The following CNTN5 variants were observed in gnomAD, a reference collection of about 807,000 sequenced individuals.
The protein encoded by CNTN5 is contactin-5.
Under a neutral mutation model 129.1 loss-of-function variants are expected in CNTN5, and 77 were observed. That is an observed-to-expected ratio of 0.60 (90% CI 0.50 to 0.72). The LOEUF (loss-of-function observed/expected upper bound fraction) is 0.72. Ranked by LOEUF, CNTN5 falls within the 30% of genes least tolerant of loss-of-function variation. The probability of loss-of-function intolerance (pLI) is 0.00; values close to 1 mark genes in which losing one functional copy is unlikely to be tolerated. For synonymous variants in CNTN5, 509 were observed against 465.6 expected (o/e 1.09, Z -1.20); for missense variants, 1,478 against 1,328.8 (o/e 1.11, Z -1.75).
intron 1 of CNTN5, among the ~76,000 whole-genome samples, chr11:99,103,669 A>T (rs751758136): frequency 4.6e-5 from 7 of 152,126 alleles, no homozygotes; most frequent in Non-Finnish European, 8.8e-5. Context: ...TATTTGGAAA[A>T]AAGGGTCTTT....
chr11:99,505,609 G>A (rs1366665159), intron 2 of CNTN5, among the ~76,000 whole-genome samples: 1 of 152,052 alleles, frequency 6.6e-6, no homozygotes, highest in Non-Finnish European at 1.5e-5. Context: ...GAAATCTTGT[G>A]GTATTCCTAA....
chr11:100,336,120 A>C (rs1425299969), intron 21 of CNTN5, among the ~76,000 whole-genome samples: 1 of 152,228 alleles, frequency 6.6e-6, no homozygotes, highest in Non-Finnish European at 1.5e-5. Context: ...AACTTGTCCC[A>C]TTATATGTGG....
At chr11:100,148,771 T>G (rs1445561558) in intron 13 of CNTN5, among the ~76,000 whole-genome samples, 1 of 152,142 alleles carries the variant, frequency 6.6e-6, no homozygotes, top group Non-Finnish European at 1.5e-5. Flanking sequence ...TTGTAACATA[T>G]AGGGAGTAGT....
At chr11:99,988,538 C>T (rs960156305) in intron 8 of CNTN5, among the ~76,000 whole-genome samples, 2 of 152,138 alleles carry the variant, frequency 1.3e-5, no homozygotes, top group Non-Finnish European at 2.9e-5. Context: ...GGAAGAGGAG[C>T]TCACTCAAGT....
At chr11:99,553,965 T>TACACACACACACAC (rs34430127) in intron 2 of CNTN5, among the ~76,000 whole-genome samples, 40 of 146,122 alleles carry the variant, frequency 2.7e-4, no homozygotes, top group South Asian at 8.8e-4. Flanking sequence ...TGAAAATGAA[T>TACACACACACACAC]ACACACACAC....
chr11:99,207,901 AT>A (rs1859563815), intron 1 of CNTN5, among the ~76,000 whole-genome samples: 1 of 152,168 alleles, frequency 6.6e-6, no homozygotes. Context: ...GGATTAATGA[AT>A]TTAGCTCGGC....
chr11:99,272,593 T>A, intron 1 of CNTN5, among the ~76,000 whole-genome samples: 1 of 151,712 alleles, frequency 6.6e-6, no homozygotes, highest in East Asian at 1.9e-4. Flanking sequence ...AAGTATAATT[T>A]TAATTATTTT....
chr11:100,129,744 C>T (rs940894782), intron 13 of CNTN5, among the ~76,000 whole-genome samples: 2 of 151,908 alleles, frequency 1.3e-5, no homozygotes, highest in East Asian at 1.9e-4. Context: ...AAGAAAATAC[C>T]AGTTGTTCAT....
intron 18 of CNTN5, among the ~76,000 whole-genome samples, chr11:100,279,771 T>C (rs12146452): frequency 6.6e-6 from 1 of 151,870 alleles, no homozygotes; most frequent in Non-Finnish European, 1.5e-5. Flanking sequence ...TGATCTTTTG[T>C]ATTGTTTTCT....
chr11:99,406,442 G>A (rs1942071085), intron 2 of CNTN5, among the ~76,000 whole-genome samples: 1 of 152,044 alleles, frequency 6.6e-6, no homozygotes, highest in Admixed American at 6.6e-5. Flanking sequence ...TGGAGCTAGG[G>A]GTTGAGTGAC....
At chr11:99,862,427 C>G (rs1948235894) in intron 6 of CNTN5, among the ~76,000 whole-genome samples, 1 of 151,836 alleles carries the variant, frequency 6.6e-6, no homozygotes, top group Non-Finnish European at 1.5e-5. Flanking sequence ...AACTATAAAA[C>G]AGAATTGCTT....
At chr11:99,738,615 A>AAGTGTGTGTGTGTGTGTG (rs201365714) in intron 3 of CNTN5, among the ~76,000 whole-genome samples, 120 of 113,616 alleles carry the variant, frequency 1.1e-3, no homozygotes, top group African/African-American at 3.7e-3. Context: ...TAAGACAGTA[A>AAGTGTGTGTGTGTGTGTG]CGTGTGTGTG....
At chr11:100,290,116 C>A (rs1950922528) in intron 18 of CNTN5, among the ~76,000 whole-genome samples, 1 of 151,270 alleles carries the variant, frequency 6.6e-6, no homozygotes, top group African/African-American at 2.4e-5. Context: ...AGGATACAGA[C>A]AAATGGAAGA....
intron 1 of CNTN5, among the ~76,000 whole-genome samples, chr11:99,323,695 A>C (rs1222611033): frequency 6.6e-6 from 1 of 152,144 alleles, no homozygotes; most frequent in Non-Finnish European, 1.5e-5. Flanking sequence ...AGATGAAAAA[A>C]ACATAACTTG....
intron 13 of CNTN5, among the ~76,000 whole-genome samples, chr11:100,124,005 A>C (rs1240349469): frequency 6.6e-6 from 1 of 152,056 alleles, no homozygotes; most frequent in Non-Finnish European, 1.5e-5. Flanking sequence ...CTTATAAACC[A>C]AAAAGTTCTT....
chr11:99,716,143 T>C (rs533942533), intron 3 of CNTN5, among the ~76,000 whole-genome samples: 18 of 152,084 alleles, frequency 1.2e-4, no homozygotes, highest in Admixed American at 2.0e-4. Context: ...ATATTTTCTT[T>C]TGTTCTTTCT....
chr11:99,965,154 A>G (rs1018544146), intron 8 of CNTN5, among the ~76,000 whole-genome samples: 13 of 151,898 alleles, frequency 8.6e-5, no homozygotes, highest in African/African-American at 2.9e-4. Flanking sequence ...TTGTGTCTTT[A>G]TTTCCTTTAA....
chr11:99,141,392 T>A (rs1371992416), intron 1 of CNTN5, among the ~76,000 whole-genome samples: 5 of 152,180 alleles, frequency 3.3e-5, no homozygotes, highest in Non-Finnish European at 7.3e-5. Context: ...TCATTTTGTT[T>A]ATTTGGATCT....
chr11:99,689,954 TTTGCTTTTGTTGAGA>T (rs1188741601), intron 3 of CNTN5, among the ~76,000 whole-genome samples: 3 of 152,300 alleles, frequency 2.0e-5, no homozygotes, highest in East Asian at 3.9e-4. Flanking sequence ...TTTGTCAATT[TTTGCTTTTGTTGAGA>T]TTGCTTTTGG....
Sources: gnomAD v4.1 joint callset for allele counts (sites outside exome capture counted in the v4.1 genomes callset) on GRCh38, gnomAD v4.1.1 for gene constraint, MANE v1.5 for transcripts, NCBI Gene and HGNC (gene_info 2026-07-23, HGNC 2026-07-21) for gene names.